The following DAAM1 variants were observed in gnomAD, a reference collection of about 807,000 sequenced individuals.
DAAM1 encodes dishevelled associated activator of morphogenesis 1, also known as disheveled-associated activator of morphogenesis 1.
DAAM1 carries 52 observed loss-of-function variants against 130.0 expected under a neutral mutation model. That is an observed-to-expected ratio of 0.40 (90% CI 0.32 to 0.50). The LOEUF (loss-of-function observed/expected upper bound fraction) is 0.50. Ranked by LOEUF, DAAM1 falls within the 20% of genes least tolerant of loss-of-function variation. DAAM1 has a pLI of 0.61. For synonymous variants in DAAM1, 452 were observed against 444.5 expected, an observed-to-expected ratio of 1.02 and a Z score of -0.21; for missense variants, 1,134 against 1,303.8, an observed-to-expected ratio of 0.87 and a Z score of 2.01.
chr14:59,267,828 C>A (rs1248922800), intron 2 of DAAM1, among the ~76,000 whole-genome samples: 3 of 151,966 alleles, frequency 2.0e-5, no homozygotes, highest in Non-Finnish European at 4.4e-5. Context: ...AAGGTTCACC[C>A]TTAGAGCATG....
In DAAM1 at chr14:59,261,452, G is replaced by A. The variant is rs1882152658; in HGVS notation, c.-37-1989G>A. 3.3e-5 allele frequency among the ~76,000 whole-genome samples: 5 copies of A among 152,184 alleles called. No homozygotes were observed. The South Asian group carries it at 1.0e-3, about 32-fold the overall frequency. On this transcript the variant is annotated intron_variant, in intron 1 of 24. Transcript: ENST00000360909. ...AATCCCAATTATGACATATGTCTCA[G>A]TATGACCTTGCACAAGTACACCCTA...
In DAAM1 at chr14:59,367,295, G is replaced by GAAAT. The variant is rs1886956236; in HGVS notation, c.2827-131_2827-130insTAAA. 16 of 1,400,734 alleles carry GAAAT rather than the reference G, an allele frequency of 1.1e-5. No homozygotes were observed. In the South Asian group the frequency reaches 2.5e-4, roughly 22 times the overall value. The allele number at this position is 1,400,734 out of a possible 1,614,324, so 86.8% of individuals were successfully genotyped here. A position where few individuals can be genotyped will look rare whatever the true frequency, so the allele number is the denominator to read the frequency against. On this transcript the variant is annotated intron_variant, in intron 23 of 24. Transcript: ENST00000360909. ...GGCGAAACTCCATCTCCAAAAGAAA[G>GAAAT]AAAGAAATAAAAATAAATGAGCAAA...
chr14:59,206,385 C>T (rs1416500806), intron 1 of DAAM1, among the ~76,000 whole-genome samples: 2 of 152,288 alleles, frequency 1.3e-5, no homozygotes, highest in East Asian at 1.9e-4. Context: ...ACGCCATTCT[C>T]CTGCCTCAGC....
chr14:59,345,312 G>A (rs944635922), intron 16 of DAAM1, among the ~76,000 whole-genome samples: 1 of 152,226 alleles, frequency 6.6e-6, no homozygotes, highest in Non-Finnish European at 1.5e-5. Context: ...GAAGAAGTCT[G>A]CCAGGACAAG....
At chr14:59,191,499 T>G (rs995324015) in intron 1 of DAAM1, among the ~76,000 whole-genome samples, 2 of 152,194 alleles carry the variant, frequency 1.3e-5, no homozygotes, top group Admixed American at 1.3e-4. Flanking sequence ...TTATTTCCAC[T>G]GATAGTTCTG....
chr14:59,291,453 C>CACCA, intron 3 of DAAM1, 147 bp downstream of exon 3: 1 of 608,278 alleles, frequency 1.6e-6, no homozygotes, highest in Non-Finnish European at 2.7e-6. Context: ...CTACATGTAG[C>CACCA]CAGTGTCAAT....
At chr14:59,324,649 A>C (rs1275156973) in intron 8 of DAAM1, among the ~76,000 whole-genome samples, 195 bp downstream of exon 8, 1 of 152,190 alleles carries the variant, frequency 6.6e-6, no homozygotes, top group Non-Finnish European at 1.5e-5. Flanking sequence ...TTATGTAGAG[A>C]ACTTAATGTG....
chr14:59,207,701 C>T (rs1310785998), intron 1 of DAAM1, among the ~76,000 whole-genome samples: 1 of 152,218 alleles, frequency 6.6e-6, no homozygotes, highest in East Asian at 1.9e-4. Flanking sequence ...AGTCCTCTGG[C>T]TCTCCAGGAC....
intron 2 of DAAM1, among the ~76,000 whole-genome samples, chr14:59,288,650 A>G (rs964997026): frequency 6.6e-6 from 1 of 152,196 alleles, no homozygotes; most frequent in African/African-American, 2.4e-5. Flanking sequence ...AAAAATGCTA[A>G]TCACTGTACT....
chr14:59,348,357 G>A (rs969808166), intron 17 of DAAM1, among the ~76,000 whole-genome samples: 2 of 152,134 alleles, frequency 1.3e-5, no homozygotes, highest in Non-Finnish European at 2.9e-5. Context: ...TGGCATCTTT[G>A]TCTGGTTGTC....
chr14:59,294,315 G>A (rs886769006), intron 3 of DAAM1, among the ~76,000 whole-genome samples: 1 of 152,222 alleles, frequency 6.6e-6, no homozygotes, highest in African/African-American at 2.4e-5. Flanking sequence ...ATCAAGCTCA[G>A]TGTTCATTTA....
At chr14:59,363,440 A>G in intron 22 of DAAM1, 1 of 493,908 alleles carries the variant, frequency 2.0e-6, no homozygotes, top group Non-Finnish European at 3.5e-6. Context: ...GTAAATTGCT[A>G]TTTGCAAATA....
intron 2 of DAAM1, among the ~76,000 whole-genome samples, chr14:59,283,886 T>C (rs968131258): frequency 6.6e-6 from 1 of 152,144 alleles, no homozygotes; most frequent in Non-Finnish European, 1.5e-5. Flanking sequence ...AGAATTAATT[T>C]TGCAGGCAAT....
chr14:59,252,484 G>A (rs548991454), intron 1 of DAAM1, among the ~76,000 whole-genome samples: 9 of 152,208 alleles, frequency 5.9e-5, no homozygotes, highest in East Asian at 3.9e-4. Flanking sequence ...GCCTTTTCCC[G>A]TCCTGCTCCA....
rs570321517 is a variant in DAAM1, at chr14:59,305,875, T to A, written c.274-9405T>A. On this transcript the variant is annotated intron_variant, in intron 3 of 24. Transcript: ENST00000360909. Reference sequence around the variant, plus strand: ...TATTTCATTCAGGCCATTCAGAAACTCTGATTTTTACCAGTGTAAATAAAG... The same window carrying A: ...TATTTCATTCAGGCCATTCAGAAACACTGATTTTTACCAGTGTAAATAAAG... Among the ~76,000 whole-genome samples the A allele has an allele frequency of 4.6e-5, 7 of 152,356 alleles. No homozygotes were observed. In the South Asian group the frequency reaches 1.2e-3, roughly 27 times the overall value.
At chr14:59,207,184 C>T (rs1353151524) in intron 1 of DAAM1, among the ~76,000 whole-genome samples, 1 of 152,118 alleles carries the variant, frequency 6.6e-6, no homozygotes, top group Admixed American at 6.5e-5. Context: ...AATAAATTTG[C>T]TAGTGTATAC....
At chr14:59,214,662 T>C (rs79009632) in intron 1 of DAAM1, among the ~76,000 whole-genome samples, 9,069 of 152,336 alleles carry the variant, frequency 0.06, 375 homozygotes, top group Non-Finnish European at 0.09. Context: ...GGTTCATCCA[T>C]GTCATGGCAT....
At position 59,359,391 on chromosome 14, in the gene DAAM1, T is replaced by G; in HGVS notation, c.2526-6T>G. 1.3e-6 allele frequency: 2 copies of G among 1,594,258 alleles called. No homozygotes were observed. The highest frequency in any genetic ancestry group is 8.6e-7 in the Non-Finnish European group (1 of 1,162,782). On this transcript the variant is annotated splice_region_variant and splice_polypyrimidine_tract_variant and intron_variant, in intron 20 of 24. Coordinates refer to ENST00000360909, the MANE Select transcript of DAAM1 (RefSeq NM_001270520.2). ...TGTTTAATACTCTTCCCTTCTTCAATTGTAGAAACATTACCCTTTTGCACT... is the reference window on the plus strand; with the variant it reads ...TGTTTAATACTCTTCCCTTCTTCAAGTGTAGAAACATTACCCTTTTGCACT...
At chr14:59,278,769 T>G (rs1883083465) in intron 2 of DAAM1, among the ~76,000 whole-genome samples, 2 of 152,156 alleles carry the variant, frequency 1.3e-5, no homozygotes, top group Admixed American at 1.3e-4. Context: ...ATAAGAATAT[T>G]TTAAGGAAGT....
Sources: gnomAD v4.1 joint callset for allele counts (sites outside exome capture counted in the v4.1 genomes callset) on GRCh38, gnomAD v4.1.1 for gene constraint, MANE v1.5 for transcripts, NCBI Gene and HGNC (gene_info 2026-07-23, HGNC 2026-07-21) for gene names.